ST6GALNAC3: variants seen among roughly 807,000 people sequenced by gnomAD.
ST6GALNAC3 encodes the protein alpha-N-acetylgalactosaminide alpha-2,6-sialyltransferase 3.
Under a neutral mutation model 32.7 loss-of-function variants are expected in ST6GALNAC3, and 25 were observed. The observed-to-expected ratio is 0.76, with a 90% CI of 0.56 to 1.07. ST6GALNAC3 has a LOEUF of 1.07. ST6GALNAC3 is among the 50% of genes least tolerant of loss of function. ST6GALNAC3 has a pLI of 0.00. For synonymous variants in ST6GALNAC3, 129 were observed against 133.1 expected (o/e 0.97, Z 0.21); for missense variants, 355 against 382.4 (o/e 0.93, Z 0.60).
intron 3 of ST6GALNAC3, among the ~76,000 whole-genome samples, chr1:76,584,451 G>T (rs1169576925): frequency 1.3e-5 from 2 of 152,156 alleles, no homozygotes. Context: ...CAATCTTAAT[G>T]TGTACAGAAA....
intron 2 of ST6GALNAC3, among the ~76,000 whole-genome samples, chr1:76,335,826 A>T (rs1452075566): frequency 6.6e-6 from 1 of 152,334 alleles, no homozygotes; most frequent in East Asian, 1.9e-4. Context: ...AGGTGGGTTG[A>T]CTGACCAGAT....
At chr1:76,300,276 C>G (rs1038849179) in intron 1 of ST6GALNAC3, among the ~76,000 whole-genome samples, 1 of 151,932 alleles carries the variant, frequency 6.6e-6, no homozygotes, top group Non-Finnish European at 1.5e-5. Context: ...GACAGTGGCT[C>G]CAATTTTCAA....
At chr1:76,114,276 G>A (rs1274873486) in intron 1 of ST6GALNAC3, among the ~76,000 whole-genome samples, 3 of 152,050 alleles carry the variant, frequency 2.0e-5, no homozygotes, top group African/African-American at 7.2e-5. Flanking sequence ...CTATAGTAAG[G>A]AGTCCCATCA....
chr1:76,167,321 C>A (rs891604241), intron 1 of ST6GALNAC3, among the ~76,000 whole-genome samples: 4 of 152,198 alleles, frequency 2.6e-5, no homozygotes, highest in African/African-American at 9.6e-5. Flanking sequence ...ATGTGTTGAA[C>A]CAACCTTGCA....
intron 3 of ST6GALNAC3, among the ~76,000 whole-genome samples, chr1:76,597,933 G>A (rs1444922554): frequency 3.9e-5 from 6 of 152,118 alleles, no homozygotes; most frequent in African/African-American, 1.2e-4. Flanking sequence ...ATGTATAACT[G>A]TCTTCGTTTA....
intron 1 of ST6GALNAC3, among the ~76,000 whole-genome samples, chr1:76,271,625 A>C (rs1658849446): frequency 6.6e-6 from 1 of 152,228 alleles, no homozygotes; most frequent in South Asian, 2.1e-4. Flanking sequence ...AGAGTTTACA[A>C]GAAGGGATTG....
chr1:76,595,562 T>G (rs747677391), intron 3 of ST6GALNAC3, among the ~76,000 whole-genome samples: 1 of 152,182 alleles, frequency 6.6e-6, no homozygotes, highest in African/African-American at 2.4e-5. Context: ...ACACTCAGGA[T>G]AGTGGACAAG....
chr1:76,514,554 A>AC (rs1317158235), intron 3 of ST6GALNAC3, among the ~76,000 whole-genome samples: 5 of 152,194 alleles, frequency 3.3e-5, no homozygotes, highest in Non-Finnish European at 7.4e-5. Flanking sequence ...TCTTGCAGAA[A>AC]TGGATAAGTT....
chr1:76,379,299 C>T (rs1264477420), intron 2 of ST6GALNAC3, among the ~76,000 whole-genome samples: 1 of 152,132 alleles, frequency 6.6e-6, no homozygotes, highest in African/African-American at 2.4e-5. Flanking sequence ...TCTTTTCAAG[C>T]CTTTTTCTCC....
intron 3 of ST6GALNAC3, among the ~76,000 whole-genome samples, chr1:76,620,952 T>G (rs949140502): frequency 6.6e-6 from 1 of 152,096 alleles, no homozygotes; most frequent in Non-Finnish European, 1.5e-5. Flanking sequence ...CGTTAAAGCC[T>G]AAGGACATGA....
At chr1:76,222,769 A>G (rs1286667527) in intron 1 of ST6GALNAC3, among the ~76,000 whole-genome samples, 2 of 152,188 alleles carry the variant, frequency 1.3e-5, no homozygotes, top group Non-Finnish European at 2.9e-5. Flanking sequence ...TCAAAGGAAG[A>G]CATGCAAACA....
Position 76,156,824 on chromosome 1 carries a change from C to T in ST6GALNAC3, c.18+81940C>T, listed in dbSNP as rs543605826. 4.6e-5 allele frequency among the ~76,000 whole-genome samples: 7 copies of T among 152,302 alleles called. No homozygotes were observed. In the East Asian group the frequency reaches 1.2e-3, roughly 25 times the overall value. The stretch of plus-strand genomic sequence containing the variant: ...TTGGCTCACTGCAAGCTCCGCCTCC[C>T]GGGTTCACGCCATTCTCCTGCCTCA... On this transcript the variant is annotated intron_variant, in intron 1 of 4. Transcript: ENST00000328299.
chr1:76,479,773 A>T (rs1343699617), intron 3 of ST6GALNAC3, among the ~76,000 whole-genome samples: 1 of 152,194 alleles, frequency 6.6e-6, no homozygotes. Context: ...TGGGGGACAT[A>T]TTCAAATCAT....
intron 1 of ST6GALNAC3, among the ~76,000 whole-genome samples, chr1:76,183,814 T>C (rs1358722509): frequency 6.8e-6 from 1 of 146,494 alleles, no homozygotes; most frequent in African/African-American, 2.5e-5. Flanking sequence ...ATCAGCATTG[T>C]ATATGCATTC....
At chr1:76,224,603 A>G (rs1486785546) in intron 1 of ST6GALNAC3, among the ~76,000 whole-genome samples, 1 of 152,216 alleles carries the variant, frequency 6.6e-6, no homozygotes, top group Non-Finnish European at 1.5e-5. Flanking sequence ...ACAGAGTATA[A>G]CAAATACCTC....
chr1:76,417,287 A>G (rs1363828258), intron 3 of ST6GALNAC3, among the ~76,000 whole-genome samples: 1 of 151,538 alleles, frequency 6.6e-6, no homozygotes, highest in Admixed American at 6.6e-5. Flanking sequence ...TCACCTACCA[A>G]TATACTTCTG....
chr1:76,415,239 GT>G (rs1437506429), intron 3 of ST6GALNAC3, among the ~76,000 whole-genome samples: 1 of 128,574 alleles, frequency 7.8e-6, no homozygotes, highest in Non-Finnish European at 1.6e-5. Flanking sequence ...ATACTCTCTA[GT>G]TTTCTCTTTT....
intron 2 of ST6GALNAC3, among the ~76,000 whole-genome samples, chr1:76,372,373 C>T (rs7545904): frequency 0.017 from 2,513 of 152,030 alleles, 80 homozygotes; most frequent in African/African-American, 0.056. Context: ...CACACACACG[C>T]GCACACACAC....
chr1:76,586,707 G>A (rs1646967208), intron 3 of ST6GALNAC3, among the ~76,000 whole-genome samples: 1 of 152,164 alleles, frequency 6.6e-6, no homozygotes, highest in South Asian at 2.1e-4. Flanking sequence ...ACTTCTTAAT[G>A]TGACATTAAT....
Sources: gnomAD v4.1 joint callset for allele counts (sites outside exome capture counted in the v4.1 genomes callset) on GRCh38, gnomAD v4.1.1 for gene constraint, MANE v1.5 for transcripts, NCBI Gene and HGNC (gene_info 2026-07-23, HGNC 2026-07-21) for gene names.